Variants in TYW1 observed in about 807,000 individuals in gnomAD.
TYW1 encodes S-adenosyl-L-methionine-dependent tRNA 4-demethylwyosine synthase TYW1.
TYW1 carries 46 observed loss-of-function variants against 96.2 expected under a neutral mutation model. The observed-to-expected ratio is 0.48, with a 90% CI of 0.38 to 0.61. The LOEUF is 0.61. Among genes scored for constraint, TYW1 ranks in the 20% least tolerant of loss-of-function variants. TYW1 has a pLI of 0.00. For synonymous variants in TYW1, 274 were observed against 323.0 expected (o/e 0.85, Z 1.63); for missense variants, 684 against 909.6 (o/e 0.75, Z 3.19).
At chr7:67,209,634 G>A (rs774631071) in intron 15 of TYW1, among the ~76,000 whole-genome samples, 4 of 151,980 alleles carry the variant, frequency 2.6e-5, no homozygotes, top group South Asian at 2.1e-4. Flanking sequence ...GTGCAGTGGC[G>A]CGATCTCAGC....
chr7:67,187,982 G>A (rs2116321489), intron 14 of TYW1, among the ~76,000 whole-genome samples: 1 of 152,292 alleles, frequency 6.6e-6, no homozygotes, highest in Admixed American at 6.5e-5. Context: ...TTTTGTCATT[G>A]TTGTCTTATT....
intron 15 of TYW1, among the ~76,000 whole-genome samples, chr7:67,221,543 G>T (rs1390373550): frequency 7.9e-5 from 12 of 152,106 alleles, no homozygotes; most frequent in Admixed American, 7.9e-4. Flanking sequence ...TTTCTCATAT[G>T]CCTTACAGCT....
In TYW1 at chr7:67,237,296, C is replaced by T. The variant is rs1240250459; in HGVS notation, c.1978-1012C>T. On this transcript the variant is annotated intron_variant, in intron 15 of 15. Coordinates refer to ENST00000359626, the MANE Select transcript of TYW1 (RefSeq NM_018264.4). Reference sequence around the variant, plus strand: ...CCGGTGGATCACGAGGTTAGGAGATCGAGACCATCCTGGCTAACACGGTGA... The same window carrying T: ...CCGGTGGATCACGAGGTTAGGAGATTGAGACCATCCTGGCTAACACGGTGA... Among the ~76,000 whole-genome samples, 6 of 143,728 alleles carry T rather than the reference C, an allele frequency of 4.2e-5. No homozygotes were observed. In the South Asian group the frequency reaches 6.7e-4, roughly 16 times the overall value. 94.3% of individuals were successfully genotyped at this position (143,728 alleles called of 152,430 possible).
chr7:67,218,926 C>T (rs1235032705), intron 15 of TYW1, among the ~76,000 whole-genome samples: 1 of 152,184 alleles, frequency 6.6e-6, no homozygotes, highest in Non-Finnish European at 1.5e-5. Flanking sequence ...GTGATGAGAA[C>T]TTCCATTATT....
intron 13 of TYW1, among the ~76,000 whole-genome samples, chr7:67,160,812 G>A (rs1179851487): frequency 2.0e-5 from 3 of 151,542 alleles, no homozygotes; most frequent in East Asian, 1.9e-4. Context: ...GGCTGATTTC[G>A]AACTCCTGAC....
chr7:67,125,024 G>T (rs1362451241), intron 13 of TYW1, among the ~76,000 whole-genome samples: 11 of 151,968 alleles, frequency 7.2e-5, no homozygotes, highest in Admixed American at 5.2e-4. Flanking sequence ...GTAGAGATGG[G>T]GTTTCACCAG....
chr7:67,007,376 T>C (rs1446594318), intron 3 of TYW1, among the ~76,000 whole-genome samples: 1 of 152,166 alleles, frequency 6.6e-6, no homozygotes, highest in African/African-American at 2.4e-5. Flanking sequence ...AATAAATCTG[T>C]GTTTTTGTTG....
chr7:67,090,079 A>C (rs919746256), intron 11 of TYW1, among the ~76,000 whole-genome samples: 4 of 152,238 alleles, frequency 2.6e-5, no homozygotes, highest in Admixed American at 1.3e-4. Context: ...TCTATACTTT[A>C]GGCTAGAAGC....
chr7:67,216,413 A>T (rs1239269781), intron 15 of TYW1, among the ~76,000 whole-genome samples: 4 of 135,482 alleles, frequency 3.0e-5, no homozygotes, highest in Non-Finnish European at 4.8e-5. Context: ...GTCTCATCTC[A>T]TCTTTTCTTA....
At chr7:67,163,427 C>T (rs1407808449) in intron 13 of TYW1, among the ~76,000 whole-genome samples, 2 of 152,136 alleles carry the variant, frequency 1.3e-5, no homozygotes, top group Non-Finnish European at 2.9e-5. Context: ...CTTGTGGTTT[C>T]ACCCTCCGCT....
chr7:67,045,877 G>A (rs1429187219), intron 7 of TYW1, among the ~76,000 whole-genome samples: 1 of 152,182 alleles, frequency 6.6e-6, no homozygotes, highest in Admixed American at 6.5e-5. Flanking sequence ...TAGATGGAGA[G>A]AACAGTTATG....
Position 67,074,474 on chromosome 7 carries a change from T to G in TYW1, c.1274+7071T>G, listed in dbSNP as rs193206515. ...TTGAGCAGTACATTTACCCAGAGTT[T>G]TGGAAAGCAAACAGTATCATTAACA... On this transcript the variant is annotated intron_variant, in intron 10 of 15. Transcript: ENST00000359626. 4.8e-4 allele frequency among the ~76,000 whole-genome samples: 73 copies of G among 152,336 alleles called. 1 individual carries two copies. Among genetic ancestry groups the G allele is most frequent in the African/African-American group, 1.7e-3 (70 of 41,578 alleles).
At chr7:67,053,139 C>CTTTA (rs1010433661) in intron 8 of TYW1, among the ~76,000 whole-genome samples, 1 of 138,452 alleles carries the variant, frequency 7.2e-6, no homozygotes, top group African/African-American at 2.7e-5. Flanking sequence ...ATAATATGAG[C>CTTTA]TTTATATCTT....
intron 13 of TYW1, among the ~76,000 whole-genome samples, chr7:67,161,900 A>T (rs1480610989): frequency 6.6e-6 from 1 of 152,110 alleles, no homozygotes; most frequent in Non-Finnish European, 1.5e-5. Context: ...AGGAAACTTT[A>T]TAGGCTTACT....
intron 9 of TYW1, 87 bp from the exon 10 acceptor site, chr7:67,067,198 A>G (rs1795893060): frequency 2.1e-6 from 3 of 1,412,748 alleles, no homozygotes; most frequent in Non-Finnish European, 3.0e-6. Flanking sequence ...TACGAAACAC[A>G]TGGTTTCTCT....
chr7:67,024,470 A>G (rs1390139728), intron 6 of TYW1, among the ~76,000 whole-genome samples: 2 of 151,912 alleles, frequency 1.3e-5, no homozygotes, highest in Non-Finnish European at 2.9e-5. Context: ...CCCAGCCTAG[A>G]TTTTATTTTT....
intron 12 of TYW1, among the ~76,000 whole-genome samples, chr7:67,107,729 C>CTT (rs1219207168): frequency 7.0e-5 from 10 of 143,050 alleles, no homozygotes; most frequent in Non-Finnish European, 7.7e-5. Flanking sequence ...ATAAGATTGA[C>CTT]TTTTTTTTTT....
At chr7:67,131,104 G>A (rs1209786034) in intron 13 of TYW1, among the ~76,000 whole-genome samples, 1 of 151,780 alleles carries the variant, frequency 6.6e-6, no homozygotes, top group Non-Finnish European at 1.5e-5. Context: ...AACCTGCTTG[G>A]TTTAGTAATT....
chr7:67,068,884 C>G (rs1344950206), intron 10 of TYW1, among the ~76,000 whole-genome samples: 1 of 152,122 alleles, frequency 6.6e-6, no homozygotes, highest in Non-Finnish European at 1.5e-5. Flanking sequence ...CACTATTAGC[C>G]ATCTAATGGC....
Sources: allele counts gnomAD v4.1 joint callset (sites outside exome capture counted in the v4.1 genomes callset), GRCh38; gene constraint gnomAD v4.1.1; transcripts MANE v1.5; gene names NCBI Gene and HGNC (gene_info 2026-07-23, HGNC 2026-07-21).